Variants in UVRAG observed in about 807,000 individuals in gnomAD.
UVRAG encodes the protein UV radiation resistance associated, also known as UV radiation resistance-associated gene protein.
In UVRAG, 19 loss-of-function variants were observed where a neutral mutation model predicts 78.0. That is an observed-to-expected ratio of 0.24 (90% CI 0.17 to 0.36). The LOEUF is 0.36. Among genes scored for constraint, UVRAG ranks in the 10% least tolerant of loss-of-function variants. The pLI, the probability that UVRAG is intolerant of heterozygous loss-of-function variation, is 1.00. For synonymous variants in UVRAG, 323 were observed against 324.6 expected (o/e 1.00, Z 0.05); for missense variants, 740 against 853.8 (o/e 0.87, Z 1.66).
chr11:76,078,752 CAAAAAAAAA>C lies in UVRAG; in HGVS notation c.1305+12983_1305+12991del, dbSNP rs61700855. ...CCCTGTCTTTACTCTACTAAAAATA[CAAAAAAAAA>C]AAAAAAAAAAAAAAAAAATTAGCTG... On this transcript the variant is annotated intron_variant, in intron 13 of 14. Transcript: ENST00000356136. 5.4e-3 allele frequency among the ~76,000 whole-genome samples: 200 copies of C among 37,200 alleles called. 1 individual carries two copies. Among genetic ancestry groups the C allele is most frequent in the African/African-American group, 0.012 (176 of 14,796 alleles). 24.4% of individuals were successfully genotyped at this position (37,200 alleles called of 152,430 possible). A position where few individuals can be genotyped will look rare whatever the true frequency, so the allele number is the denominator to read the frequency against.
At chr11:75,930,926 A>ATTTTCT (rs1555089476) in intron 6 of UVRAG, 6 of 79,700 alleles carry the variant, frequency 7.5e-5, no homozygotes, top group East Asian at 4.2e-4. Context: ...AAGTGTCGGG[A>ATTTTCT]TTTTCTTTCT....
chr11:76,005,004 CCAT>C (rs1949902134), intron 9 of UVRAG, among the ~76,000 whole-genome samples: 1 of 152,106 alleles, frequency 6.6e-6, no homozygotes, highest in Non-Finnish European at 1.5e-5. Flanking sequence ...GAAAATCCAT[CCAT>C]CATGCACTTT....
At chr11:75,816,075 A>G (rs1431977317) in intron 1 of UVRAG, among the ~76,000 whole-genome samples, 1 of 152,218 alleles carries the variant, frequency 6.6e-6, no homozygotes, top group African/African-American at 2.4e-5. Flanking sequence ...AATGTATTCA[A>G]GACTTGGGGG....
chr11:75,966,266 C>T (rs1295747690), intron 7 of UVRAG, among the ~76,000 whole-genome samples: 1 of 151,190 alleles, frequency 6.6e-6, no homozygotes, highest in Non-Finnish European at 1.5e-5. Flanking sequence ...AAATTTTTTT[C>T]CTTCGTATTG....
intron 5 of UVRAG, among the ~76,000 whole-genome samples, chr11:75,893,391 GCT>G (rs1481006881): frequency 6.6e-6 from 1 of 151,660 alleles, no homozygotes; most frequent in East Asian, 1.9e-4. Context: ...GCTGAGTGGG[GCT>G]CTCCCTATTA....
At chr11:75,930,295 T>C (rs1020615450) in intron 6 of UVRAG, among the ~76,000 whole-genome samples, 1 of 152,258 alleles carries the variant, frequency 6.6e-6, no homozygotes, top group Admixed American at 6.5e-5. Flanking sequence ...ATTTGTATGC[T>C]TAATGAAAGT....
chr11:76,056,004 C>T (rs939087906), intron 12 of UVRAG, among the ~76,000 whole-genome samples: 3 of 152,162 alleles, frequency 2.0e-5, no homozygotes, highest in Admixed American at 1.3e-4. Flanking sequence ...CCACTGTGCC[C>T]GGCCAGAAAT....
chr11:76,061,201 G>A (rs1951083354), intron 12 of UVRAG, among the ~76,000 whole-genome samples: 1 of 152,226 alleles, frequency 6.6e-6, no homozygotes, highest in South Asian at 2.1e-4. Flanking sequence ...CTCTGGTGGG[G>A]ACTTGGAGAA....
At chr11:75,929,118 T>C (rs1481492941) in intron 6 of UVRAG, among the ~76,000 whole-genome samples, 1 of 152,126 alleles carries the variant, frequency 6.6e-6, no homozygotes, top group African/African-American at 2.4e-5. Flanking sequence ...TGAGAATGTG[T>C]ATAAAAATAG....
At chr11:75,971,773 C>A (rs140972846) in intron 7 of UVRAG, among the ~76,000 whole-genome samples, 2 of 152,022 alleles carry the variant, frequency 1.3e-5, no homozygotes, top group African/African-American at 4.8e-5. Flanking sequence ...GAAACCTCTA[C>A]CTCCCAGGTT....
At chr11:75,877,504 G>C (rs868187043) in intron 3 of UVRAG, among the ~76,000 whole-genome samples, 1 of 143,566 alleles carries the variant, frequency 7.0e-6, no homozygotes, top group Non-Finnish European at 1.5e-5. Flanking sequence ...CTGGCTGGGC[G>C]GGGGGTGACC....
At chr11:75,900,709 A>G (rs1461989176) in intron 5 of UVRAG, among the ~76,000 whole-genome samples, 1 of 152,178 alleles carries the variant, frequency 6.6e-6, no homozygotes, top group Non-Finnish European at 1.5e-5. Flanking sequence ...CACTTAGTCC[A>G]CTTCATACTT....
rs370738589 is a variant in UVRAG at position 75,977,318 on chromosome 11, T to C, written c.700-6069T>C. Among the ~76,000 whole-genome samples, 91 of 152,318 alleles carry C rather than the reference T, an allele frequency of 6.0e-4. 2 individuals are homozygous for C. In the South Asian group the frequency reaches 0.017, roughly 28 times the overall value. On this transcript the variant is annotated intron_variant, in intron 7 of 14. Transcript: ENST00000356136. Reference sequence around the variant, plus strand: ...GTGGTCAATTTTGGAGTAAGTGCGATGTGGTGCTGAGAAGGGTGTATATTC... The same window carrying C: ...GTGGTCAATTTTGGAGTAAGTGCGACGTGGTGCTGAGAAGGGTGTATATTC...
intron 6 of UVRAG, among the ~76,000 whole-genome samples, chr11:75,923,114 A>C: frequency 6.7e-6 from 1 of 149,984 alleles, no homozygotes; most frequent in East Asian, 1.9e-4. Flanking sequence ...GACTCACTGC[A>C]ACCTCCGCCT....
intron 5 of UVRAG, among the ~76,000 whole-genome samples, chr11:75,901,002 A>G (rs540773690): frequency 3.3e-5 from 5 of 152,158 alleles, no homozygotes; most frequent in African/African-American, 1.2e-4. Flanking sequence ...CTCCTTAACT[A>G]CTCAGTATCT....
intron 5 of UVRAG, chr11:75,911,566 C>A: frequency 6.1e-6 from 1 of 164,480 alleles, no homozygotes; most frequent in South Asian, 1.8e-4. Context: ...GATGACTGGT[C>A]AGCACAAGGG....
Position 75,851,913 on chromosome 11 carries a change from G to T in UVRAG, c.148G>T (p.Ala50Ser), listed in dbSNP as rs771569994. Residue 50 changes from alanine to serine, a missense_variant, in exon 2 of 15, where the codon GCC becomes TCC. Ala to Ser is a moderately conservative substitution (Grantham distance 99, BLOSUM62 1). Coordinates refer to ENST00000356136, the MANE Select transcript of UVRAG (RefSeq NM_003369.4). ...TCTTCGACATCTTCGGAACATTGCT[G>T]CCCGGAACATTGTTAATAGAAATGG... ...RRLRHLRNIA[A>S]RNIVNRNGHQ... 1.2e-6 allele frequency: 2 copies of T among 1,613,858 alleles called. No individual in the cohort carries two copies. The highest frequency in any genetic ancestry group is 1.7e-6 in the Non-Finnish European group (2 of 1,179,918).
intron 8 of UVRAG, among the ~76,000 whole-genome samples, chr11:75,995,495 C>G (rs1426228805): frequency 8.5e-6 from 1 of 117,916 alleles, no homozygotes; most frequent in African/African-American, 3.8e-5. Flanking sequence ...TTCTTATTGT[C>G]ATTTTGAAAA....
chr11:75,931,587 A>G (rs369201782), intron 6 of UVRAG, among the ~76,000 whole-genome samples: 2 of 152,238 alleles, frequency 1.3e-5, no homozygotes, highest in East Asian at 3.9e-4. Context: ...TTCTCGTTCA[A>G]CCCTCCCAAC....
Sources: gnomAD v4.1 joint callset for allele counts (sites outside exome capture counted in the v4.1 genomes callset) on GRCh38, gnomAD v4.1.1 for gene constraint, MANE v1.5 for transcripts, NCBI Gene and HGNC (gene_info 2026-07-23, HGNC 2026-07-21) for gene names.